MAN1A2: variants seen among roughly 807,000 people sequenced by gnomAD.
MAN1A2 encodes mannosyl-oligosaccharide 1,2-alpha-mannosidase IB.
A neutral mutation model predicts 75.7 loss-of-function variants in MAN1A2; 26 were observed. The observed-to-expected ratio is 0.34, with a 90% CI of 0.25 to 0.48. MAN1A2 has a LOEUF of 0.48. Ranked by LOEUF, MAN1A2 falls within the 20% of genes least tolerant of loss-of-function variation. MAN1A2 has a pLI of 0.99. For synonymous variants in MAN1A2, 247 were observed against 264.6 expected (o/e 0.93, Z 0.65); for missense variants, 562 against 775.5 (o/e 0.72, Z 3.27).
At chr1:117,405,328 A>G (rs1385362258) in intron 2 of MAN1A2, among the ~76,000 whole-genome samples, 1 of 152,122 alleles carries the variant, frequency 6.6e-6, no homozygotes, top group Non-Finnish European at 1.5e-5. Flanking sequence ...CTCCTGAAGA[A>G]AGAAGACTTT....
intron 1 of MAN1A2, among the ~76,000 whole-genome samples, chr1:117,400,877 A>G (rs754979774): frequency 1.3e-5 from 2 of 152,136 alleles, no homozygotes; most frequent in African/African-American, 2.4e-5. Flanking sequence ...AAAATTTACC[A>G]TCTTAACCAT....
At chr1:117,421,247 G>A (rs565598616) in intron 5 of MAN1A2, among the ~76,000 whole-genome samples, 2 of 152,148 alleles carry the variant, frequency 1.3e-5, no homozygotes, top group South Asian at 2.1e-4. Context: ...GAGGTTATAA[G>A]TCATTTATTT....
chr1:117,388,225 G>T (rs976796206), intron 1 of MAN1A2, among the ~76,000 whole-genome samples: 1 of 152,064 alleles, frequency 6.6e-6, no homozygotes, highest in Non-Finnish European at 1.5e-5. Context: ...GAGAGGGAAG[G>T]TTCAAAGCCT....
In MAN1A2 at chr1:117,524,684, T is replaced by A. The variant is rs964530; in HGVS notation, c.*1727T>A. On this transcript the variant is annotated 3_prime_UTR_variant, in exon 13 of 13. Transcript: ENST00000356554. ...TTTGACAGTTCTACTGATCCGTAAATGATAACCACTGCAAATTTTTTCAGT... is the reference window on the plus strand; with the variant it reads ...TTTGACAGTTCTACTGATCCGTAAAAGATAACCACTGCAAATTTTTTCAGT... The A allele has an allele frequency of 0.25, 38,604 of 154,002 alleles. 5,648 individuals are homozygous for A. The highest frequency in any genetic ancestry group is 0.47 in the East Asian group (2,495 of 5,284). 9.5% of individuals were successfully genotyped at this position (154,002 alleles called of 1,614,324 possible).
chr1:117,399,817 T>A (rs1449858003), intron 1 of MAN1A2, among the ~76,000 whole-genome samples: 2 of 152,184 alleles, frequency 1.3e-5, no homozygotes, highest in Non-Finnish European at 2.9e-5. Context: ...ACTGGCTCTG[T>A]CCATTTGTTA....
intron 6 of MAN1A2, among the ~76,000 whole-genome samples, chr1:117,445,872 G>GTATATATATATATATA (rs1300576603): frequency 7.0e-5 from 8 of 114,106 alleles, no homozygotes; most frequent in Admixed American, 2.6e-4. Context: ...GTGTGTGTGT[G>GTATATATATATATATA]TCTGTGTGTG....
chr1:117,462,440 G>T (rs914992738), intron 7 of MAN1A2, among the ~76,000 whole-genome samples: 2 of 152,130 alleles, frequency 1.3e-5, no homozygotes. Context: ...TTGATAAATT[G>T]TTGAAGTAAA....
chr1:117,487,513 T>C (rs1650749372), intron 8 of MAN1A2, among the ~76,000 whole-genome samples: 1 of 151,996 alleles, frequency 6.6e-6, no homozygotes. Context: ...AGTTAAAACA[T>C]AAGGACAACT....
At chr1:117,497,447 C>T (rs10923321) in intron 10 of MAN1A2, among the ~76,000 whole-genome samples, 11,590 of 151,786 alleles carry the variant, frequency 0.076, 495 homozygotes, top group Middle Eastern at 0.15. Flanking sequence ...ATTAGTTCAC[C>T]AGTAGTTTTT....
chr1:117,399,047 A>G (rs749214067), intron 1 of MAN1A2, among the ~76,000 whole-genome samples: 16 of 152,288 alleles, frequency 1.1e-4, no homozygotes, highest in South Asian at 4.1e-4. Flanking sequence ...GAGTATGCAG[A>G]AAAGGAGGAC....
intron 1 of MAN1A2, among the ~76,000 whole-genome samples, chr1:117,400,216 C>T (rs1015918215): frequency 3.3e-5 from 5 of 151,982 alleles, no homozygotes; most frequent in African/African-American, 1.2e-4. Flanking sequence ...GTGGATTCTT[C>T]CTCCCTGCTG....
chr1:117,416,394 C>T (rs998646143), intron 4 of MAN1A2, among the ~76,000 whole-genome samples: 6 of 151,986 alleles, frequency 3.9e-5, no homozygotes, highest in African/African-American at 1.4e-4. Flanking sequence ...GCTTTTTGTT[C>T]TTTCAAGTTC....
At chr1:117,454,645 A>C (rs1366373463) in intron 6 of MAN1A2, among the ~76,000 whole-genome samples, 1 of 152,216 alleles carries the variant, frequency 6.6e-6, no homozygotes, top group African/African-American at 2.4e-5. Context: ...ACAGATGGAA[A>C]AACAGATTTA....
intron 8 of MAN1A2, among the ~76,000 whole-genome samples, chr1:117,475,117 A>G (rs1269637643): frequency 6.6e-6 from 1 of 151,842 alleles, no homozygotes; most frequent in Non-Finnish European, 1.5e-5. Flanking sequence ...GCTATTACAA[A>G]TAAAGCTGCT....
chr1:117,492,171 A>G (rs989188897), intron 8 of MAN1A2, among the ~76,000 whole-genome samples: 1 of 152,134 alleles, frequency 6.6e-6, no homozygotes, highest in Non-Finnish European at 1.5e-5. Flanking sequence ...CAGCACCACA[A>G]GCTACAGAGA....
intron 9 of MAN1A2, chr1:117,494,373 C>A (rs956669243): frequency 1.3e-5 from 2 of 152,024 alleles, no homozygotes; most frequent in Admixed American, 6.6e-5. Context: ...TAAACTGATA[C>A]CCACTTAACA....
chr1:117,374,451 C>T (rs1306739416), intron 1 of MAN1A2, among the ~76,000 whole-genome samples: 2 of 151,990 alleles, frequency 1.3e-5, no homozygotes, highest in Admixed American at 1.3e-4. Context: ...CCTGTTAAAA[C>T]ATGGTTGTAA....
rs542078135 is a variant in MAN1A2, at chr1:117,472,778, C to T, written c.1168+6351C>T. On this transcript the variant is annotated intron_variant, in intron 8 of 12. Coordinates refer to ENST00000356554, the MANE Select transcript of MAN1A2 (RefSeq NM_006699.5). ...GCACTGGATGGCTTTGAATGCAGCCCAACACGAATTGATAAACTTTCTTAA... is the reference window on the plus strand; with the variant it reads ...GCACTGGATGGCTTTGAATGCAGCCTAACACGAATTGATAAACTTTCTTAA... 2.0e-4 allele frequency among the ~76,000 whole-genome samples: 30 copies of T among 152,006 alleles called. 1 individual carries two copies. In the South Asian group the frequency reaches 4.4e-3, roughly 22 times the overall value.
chr1:117,402,633 A>G (rs949803911), intron 2 of MAN1A2, among the ~76,000 whole-genome samples, 192 bp downstream of exon 2: 3 of 151,688 alleles, frequency 2.0e-5, no homozygotes, highest in African/African-American at 7.3e-5. Context: ...TAATGTAATT[A>G]TTGGACACTT....
Sources: gnomAD v4.1 joint callset for allele counts (sites outside exome capture counted in the v4.1 genomes callset) on GRCh38, gnomAD v4.1.1 for gene constraint, MANE v1.5 for transcripts, NCBI Gene and HGNC (gene_info 2026-07-23, HGNC 2026-07-21) for gene names.